ANKS3: variants seen among roughly 807,000 people sequenced by gnomAD.
The protein encoded by ANKS3 is ankyrin repeat and sterile alpha motif domain containing 3.
ANKS3 carries 62 observed loss-of-function variants against 80.7 expected under a neutral mutation model. That is an observed-to-expected ratio of 0.77 (90% CI 0.63 to 0.95). The LOEUF (loss-of-function observed/expected upper bound fraction) is 0.95. Among genes scored for constraint, ANKS3 ranks in the 40% least tolerant of loss-of-function variants. ANKS3 has a pLI of 0.00. For synonymous variants in ANKS3, 489 were observed against 355.3 expected (o/e 1.38, Z -4.23); for missense variants, 1,150 against 883.6 (o/e 1.30, Z -3.82).
intron 9 of ANKS3, chr16:4,701,823 C>G: frequency 2.0e-6 from 1 of 504,598 alleles, no homozygotes; most frequent in Admixed American, 3.6e-5. Flanking sequence ...GCAGTTATAA[C>G]AGACATTCCT....
At chr16:4,708,605 C>A (rs1406010254) in intron 7 of ANKS3, among the ~76,000 whole-genome samples, 1 of 152,038 alleles carries the variant, frequency 6.6e-6, no homozygotes, top group Non-Finnish European at 1.5e-5. Flanking sequence ...CTTGTTTTTC[C>A]ACTAAACAGA....
chr16:4,700,858 G>A (rs1340113670), intron 11 of ANKS3, 112 bp downstream of exon 11: 7 of 1,401,702 alleles, frequency 5.0e-6, no homozygotes, highest in South Asian at 3.5e-5. Context: ...GGATGCCACC[G>A]CCATTCTGTT....
At chr16:4,702,343 C>T (rs1197061491) in intron 8 of ANKS3, 101 bp from the exon 9 acceptor site, 1 of 1,265,014 alleles carries the variant, frequency 7.9e-7, no homozygotes, top group African/African-American at 1.6e-5. Context: ...CAGTCATGAC[C>T]TCACCTACTT....
rs780322777 is a variant in ANKS3 at position 4,701,045 on chromosome 16, G to A, written c.1209C>T (p.Arg403=). 14 of 1,613,974 alleles carry A rather than the reference G, an allele frequency of 8.7e-6. No homozygotes were observed. Among genetic ancestry groups the A allele is most frequent in the South Asian group, 7.7e-5 (7 of 91,090 alleles). The change falls in exon 11 of 18, where the codon CGC becomes CGT. Residue 403 remains arginine, a synonymous_variant. Transcript: ENST00000304283. ...GAAAGCCTTCCCTGTCAGTTGCAGC[G>A]CGGGGAGGCCACTGGCTGTCAGGAT... ...TKNPDSQWPP[R]AATDREGFLA...
chr16:4,733,760 C>G (rs1415262876), intron 1 of ANKS3, among the ~76,000 whole-genome samples, 178 bp downstream of exon 1: 1 of 152,166 alleles, frequency 6.6e-6, no homozygotes, highest in Non-Finnish European at 1.5e-5. Flanking sequence ...ACTACGTACC[C>G]ACAAAAATTA....
intron 11 of ANKS3, chr16:4,700,655 C>T: frequency 2.2e-6 from 1 of 456,996 alleles, no homozygotes; most frequent in South Asian, 2.0e-5. Flanking sequence ...GCTTCAACCA[C>T]ATCTTGTCAG....
Position 4,705,142 on chromosome 16 carries a change from C to T in ANKS3, c.821G>A (p.Arg274Lys). 6.2e-7 allele frequency: 1 copy of T among 1,613,540 alleles called. No individual in the cohort carries two copies. The highest frequency in any genetic ancestry group is 1.3e-5 in the African/African-American group (1 of 75,062). ...SIHEGPRALA[R>K]ITGIGLGGRA... ...GCCGCCCAGGCCAATGCCTGTGATC[C>T]TGGCCAGGGCTCGCGGTCCCTCGTG... Residue 274 changes from arginine to lysine, a missense_variant, in exon 8 of 18, where the codon AGG becomes AAG. Coordinates refer to ENST00000304283, the MANE Select transcript of ANKS3 (RefSeq NM_133450.4).
chr16:4,708,938 C>CAAAAA (rs1174728403), intron 7 of ANKS3, among the ~76,000 whole-genome samples: 1 of 127,298 alleles, frequency 7.9e-6, no homozygotes, highest in Non-Finnish European at 1.7e-5. Context: ...GACTCTGTCT[C>CAAAAA]AAAAAAAAAA....
chr16:4,730,921 CCTCA>C (rs2081582590), intron 2 of ANKS3, among the ~76,000 whole-genome samples: 1 of 151,828 alleles, frequency 6.6e-6, no homozygotes, highest in Non-Finnish European at 1.5e-5. Context: ...ATCCCTAGTG[CCTCA>C]CTGTCTAACG....
chr16:4,699,208 T>G, intron 11 of ANKS3, 32 bp from the exon 12 acceptor site: 1 of 1,610,962 alleles, frequency 6.2e-7, no homozygotes, highest in Non-Finnish European at 8.5e-7. Context: ...TTGGGGGAGG[T>G]AGTGGCTGAC....
At chr16:4,701,194 A>G in intron 10 of ANKS3, 60 bp from the exon 11 acceptor site, 1 of 1,533,254 alleles carries the variant, frequency 6.5e-7, no homozygotes, top group Non-Finnish European at 8.8e-7. Flanking sequence ...CCTTGGTGAA[A>G]CCCCCACCCG....
intron 3 of ANKS3, among the ~76,000 whole-genome samples, chr16:4,728,731 G>C (rs1031193893): frequency 6.6e-6 from 1 of 152,104 alleles, no homozygotes; most frequent in African/African-American, 2.4e-5. Context: ...TCTATGGAGC[G>C]GTTATGGACT....
intron 5 of ANKS3, among the ~76,000 whole-genome samples, chr16:4,726,165 A>C (rs2081341364): frequency 6.6e-6 from 1 of 151,186 alleles, no homozygotes; most frequent in Non-Finnish European, 1.5e-5. Context: ...TTTAGTAGAG[A>C]TGGGGTTTCA....
chr16:4,730,753 G>C (rs867315996), intron 2 of ANKS3, among the ~76,000 whole-genome samples: 1 of 152,122 alleles, frequency 6.6e-6, no homozygotes, highest in Non-Finnish European at 1.5e-5. Flanking sequence ...TCGGGAGGCT[G>C]AGGTAGGAGC....
intron 10 of ANKS3, 149 bp from the exon 11 acceptor site, chr16:4,701,283 G>A (rs1006571926): frequency 5.7e-6 from 8 of 1,400,262 alleles, no homozygotes; most frequent in Non-Finnish European, 6.8e-6. Flanking sequence ...TGTCGTCTGA[G>A]AAGCCAGACC....
chr16:4,699,560 CTCT>C (rs1489479830), intron 11 of ANKS3: 1 of 237,944 alleles, frequency 4.2e-6, no homozygotes, highest in Non-Finnish European at 8.5e-6. Context: ...CTAAGCGCAG[CTCT>C]TCTCCGAGTT....
chr16:4,703,021 G>A (rs1246031369), intron 8 of ANKS3, among the ~76,000 whole-genome samples: 2 of 152,164 alleles, frequency 1.3e-5, no homozygotes, highest in African/African-American at 4.8e-5. Flanking sequence ...CCAAAGGACT[G>A]GTTGATGGGA....
intron 7 of ANKS3, among the ~76,000 whole-genome samples, chr16:4,709,847 C>CA (rs1291326463): frequency 6.6e-6 from 1 of 151,738 alleles, no homozygotes; most frequent in Non-Finnish European, 1.5e-5. Context: ...CCCGTCTCTA[C>CA]AAAAAAATAA....
intron 9 of ANKS3, 122 bp downstream of exon 9, chr16:4,701,980 C>G: frequency 7.9e-7 from 1 of 1,273,272 alleles, no homozygotes; most frequent in Non-Finnish European, 1.1e-6. Context: ...ACACCTACCC[C>G]TTTCCTGTCC....
Sources: gnomAD v4.1 joint callset for allele counts (sites outside exome capture counted in the v4.1 genomes callset) on GRCh38, gnomAD v4.1.1 for gene constraint, MANE v1.5 for transcripts, NCBI Gene and HGNC (gene_info 2026-07-23, HGNC 2026-07-21) for gene names.